Variants in DNAI4 observed in about 807,000 individuals in gnomAD.
DNAI4 encodes the protein WD repeat domain 78.
A neutral mutation model predicts 105.8 loss-of-function variants in DNAI4; 85 were observed. The observed-to-expected ratio is 0.80, with a 90% CI of 0.67 to 0.96. The LOEUF (loss-of-function observed/expected upper bound fraction) is 0.96. Among genes scored for constraint, DNAI4 ranks in the 40% least tolerant of loss-of-function variants. The probability of loss-of-function intolerance (pLI) is 0.00; values close to 1 mark genes in which losing one functional copy is unlikely to be tolerated. For synonymous variants in DNAI4, 352 were observed against 331.5 expected (o/e 1.06, Z -0.67); for missense variants, 1,014 against 1,005.6 (o/e 1.01, Z -0.11).
chr1:66,915,104 C>A (rs1649970565), intron 1 of DNAI4, among the ~76,000 whole-genome samples: 1 of 152,064 alleles, frequency 6.6e-6, no homozygotes, highest in Non-Finnish European at 1.5e-5. Context: ...ATAAACCCAG[C>A]CCAAGACAGA....
chr1:66,819,526 G>A (rs1490793645), intron 16 of DNAI4, among the ~76,000 whole-genome samples: 1 of 151,938 alleles, frequency 6.6e-6, no homozygotes, highest in African/African-American at 2.4e-5. Flanking sequence ...TAGTCATTCA[G>A]TATTCACTGA....
intron 8 of DNAI4, among the ~76,000 whole-genome samples, chr1:66,841,130 G>A (rs1471000099): frequency 6.6e-6 from 1 of 152,222 alleles, no homozygotes; most frequent in African/African-American, 2.4e-5. Context: ...CACTCTGACA[G>A]GAAAATGTCT....
chr1:66,841,225 G>A (rs1646141435), intron 8 of DNAI4, among the ~76,000 whole-genome samples: 1 of 152,188 alleles, frequency 6.6e-6, no homozygotes, highest in Admixed American at 6.5e-5. Context: ...TGAAGGGAAA[G>A]AGCTCTGCAG....
At chr1:66,891,398 A>G in intron 3 of DNAI4, 132 bp from the exon 4 acceptor site, 1 of 580,138 alleles carries the variant, frequency 1.7e-6, no homozygotes, top group Non-Finnish European at 3.0e-6. Context: ...TAGATACATT[A>G]ATTTTTAAAT....
intron 4 of DNAI4, among the ~76,000 whole-genome samples, chr1:66,883,881 T>C (rs1187940136): frequency 4.6e-5 from 7 of 152,212 alleles, no homozygotes; most frequent in Non-Finnish European, 7.3e-5. Flanking sequence ...TTTTGTAATA[T>C]AGAATATTCT....
intron 3 of DNAI4, among the ~76,000 whole-genome samples, chr1:66,892,166 T>C (rs1162519475): frequency 3.9e-5 from 6 of 152,256 alleles, no homozygotes; most frequent in African/African-American, 1.4e-4. Flanking sequence ...ACTTTCTTTT[T>C]TGTTCCTATT....
Position 66,835,739 on chromosome 1 carries a change from A to G in DNAI4, c.1620T>C (p.Thr540=). The G allele has an allele frequency of 2.5e-6, 4 of 1,614,120 alleles. No homozygotes were observed. The highest frequency in any genetic ancestry group is 3.4e-6 in the Non-Finnish European group (4 of 1,179,986). The stretch of plus-strand genomic sequence containing the variant: ...GTGCTCCAATTGAAAAATCCACAGC[A>G]GTAACTCCATATGGACTCTGATAAA... ...ERIYQSPYGV[T]AVDFSIGAPN... Residue 540 remains threonine, a synonymous_variant, in exon 11 of 17, where the codon ACT becomes ACC. Transcript: ENST00000371026.
At chr1:66,820,959 C>T (rs1645612077) in intron 16 of DNAI4, among the ~76,000 whole-genome samples, 2 of 151,862 alleles carry the variant, frequency 1.3e-5, no homozygotes, top group Non-Finnish European at 2.9e-5. Context: ...TTTCCTTTTC[C>T]TTTTCTTTTC....
rs866756407 is a variant in DNAI4 at position 66,850,430 on chromosome 1, A to C, written c.1097-2752T>G. On this transcript the variant is annotated intron_variant, in intron 7 of 16. Transcript: ENST00000371026. ...TGAAGGAATACTAAGAATTTGTCTC[A>C]AAAAAAAAAAGTCTTCCCTAAAGAA... Among the ~76,000 whole-genome samples the C allele has an allele frequency of 3.5e-5, 5 of 143,434 alleles. 2 individuals carry two copies. The South Asian group carries it at 1.1e-3, about 31-fold the overall frequency. 94.1% of individuals were successfully genotyped at this position (143,434 alleles called of 152,430 possible).
At chr1:66,848,691 T>C (rs908560004) in intron 7 of DNAI4, among the ~76,000 whole-genome samples, 3 of 152,044 alleles carry the variant, frequency 2.0e-5, no homozygotes, top group African/African-American at 4.8e-5. Context: ...GGAATGGGTA[T>C]ATATATATAT....
intron 4 of DNAI4, among the ~76,000 whole-genome samples, chr1:66,889,072 T>G (rs1444507846): frequency 6.6e-6 from 1 of 152,222 alleles, no homozygotes; most frequent in African/African-American, 2.4e-5. Flanking sequence ...AATGAGGGTC[T>G]CTCCTGCAGC....
At chr1:66,920,571 C>T (rs12048585) in intron 1 of DNAI4, among the ~76,000 whole-genome samples, 6,841 of 152,130 alleles carry the variant, frequency 0.045, 258 homozygotes, top group East Asian at 0.075. Flanking sequence ...GTAGTTTGCT[C>T]TTGAAGGTGC....
At chr1:66,834,603 CTCT>C (rs1645942134) in intron 11 of DNAI4, among the ~76,000 whole-genome samples, 1 of 152,024 alleles carries the variant, frequency 6.6e-6, no homozygotes, top group Non-Finnish European at 1.5e-5. Context: ...CTATATTTCA[CTCT>C]TCCTCCTATG....
At chr1:66,909,277 C>T (rs540995698) in intron 1 of DNAI4, among the ~76,000 whole-genome samples, 1 of 140,968 alleles carries the variant, frequency 7.1e-6, no homozygotes, top group Non-Finnish European at 1.6e-5. Context: ...ATTGTTGCCA[C>T]CTCTCTCTAC....
At chr1:66,905,403 A>C (rs752684967) in intron 1 of DNAI4, 28 bp from the exon 2 acceptor site, 2 of 1,374,068 alleles carry the variant, frequency 1.5e-6, no homozygotes, top group Non-Finnish European at 1.9e-6. Context: ...AATATAATGC[A>C]AAGGATTCAA....
At chr1:66,876,820 T>A (rs536047003) in intron 4 of DNAI4, among the ~76,000 whole-genome samples, 2 of 152,198 alleles carry the variant, frequency 1.3e-5, no homozygotes, top group Admixed American at 1.3e-4. Flanking sequence ...GGAGGGAACA[T>A]CTACACTCCT....
rs560561534 is a variant in DNAI4 at position 66,893,141 on chromosome 1, A to G, written c.530+88T>C. On this transcript the variant is annotated intron_variant, in intron 3 of 16. Coordinates refer to ENST00000371026, the MANE Select transcript of DNAI4 (RefSeq NM_024763.5). ...AGAAAGAAACTGGGAGACTGGAGACAACTGATATCTAAGATACACATTTGC... is the reference window on the plus strand; with the variant it reads ...AGAAAGAAACTGGGAGACTGGAGACGACTGATATCTAAGATACACATTTGC... 2.8e-5 allele frequency: 18 copies of G among 633,700 alleles called. 2 individuals are homozygous for G. The highest frequency in any genetic ancestry group is 9.9e-5 in the Admixed American group (3 of 30,424). 39.3% of individuals were successfully genotyped at this position (633,700 alleles called of 1,614,324 possible). A position where few individuals can be genotyped will look rare whatever the true frequency, so the allele number is the denominator to read the frequency against.
Position 66,813,192 on chromosome 1 carries a change from T to C in DNAI4, c.*938A>G, listed in dbSNP as rs1207315999. 1 of 152,356 alleles carries C rather than the reference T, an allele frequency of 6.6e-6. No individual in the cohort carries two copies. The highest frequency in any genetic ancestry group is 2.4e-5 in the African/African-American group (1 of 41,456). 9.4% of individuals were successfully genotyped at this position (152,356 alleles called of 1,614,324 possible). On this transcript the variant is annotated 3_prime_UTR_variant, in exon 17 of 17. Coordinates refer to ENST00000371026, the MANE Select transcript of DNAI4 (RefSeq NM_024763.5). ...TTTCCAGAGAGTTTAGTGAATTTCA[T>C]ATGCCCTATCGTCTCCTCTCCACTT...
intron 7 of DNAI4, among the ~76,000 whole-genome samples, chr1:66,855,042 C>T (rs989436686): frequency 6.6e-6 from 1 of 152,162 alleles, no homozygotes; most frequent in African/African-American, 2.4e-5. Context: ...TGATAGCATA[C>T]CTTCCATATG....
Sources: allele counts gnomAD v4.1 joint callset (sites outside exome capture counted in the v4.1 genomes callset), GRCh38; gene constraint gnomAD v4.1.1; transcripts MANE v1.5; gene names NCBI Gene and HGNC (gene_info 2026-07-23, HGNC 2026-07-21).